Variants in LURAP1 observed in about 807,000 individuals in gnomAD.
LURAP1 encodes NF-kappa-B activator C1orf190.
In LURAP1, 14 loss-of-function variants were observed where a neutral mutation model predicts 19.0. That is an observed-to-expected ratio of 0.74 (90% CI 0.49 to 1.15). The LOEUF (loss-of-function observed/expected upper bound fraction) is 1.15, where lower values mean the gene tolerates loss of function less well. Among genes scored for constraint, LURAP1 ranks in the 50% most tolerant of loss-of-function variants. The pLI, the probability that LURAP1 is intolerant of heterozygous loss-of-function variation, is 0.00. For missense variants in LURAP1, 273 were observed against 309.1 expected (o/e 0.88, Z 0.87); for synonymous variants, 129 against 131.8 (o/e 0.98, Z 0.14).
chr1:46,212,630 A>G (rs1322989188), intron 1 of LURAP1, among the ~76,000 whole-genome samples: 2 of 141,544 alleles, frequency 1.4e-5, no homozygotes, highest in African/African-American at 2.7e-5. Context: ...AAGCTATAGT[A>G]CAGTGGCACC....
In LURAP1 at chr1:46,219,865, C is replaced by G. The variant is rs769390159; in HGVS notation, c.365C>G (p.Ser122Ter). The change falls in exon 2 of 2, where the codon TCA becomes TGA. Residue 122 changes from serine to a stop codon, truncating the protein, a stop_gained. Coordinates refer to ENST00000371980, the MANE Select transcript of LURAP1 (RefSeq NM_001013615.3). LOFTEE classifies it high-confidence loss of function. Reference protein sequence around the residue: ...YSLTGGSPGRSRRGSWDSLPD... With the variant: ...YSLTGGSPGR ...CTGACAGGCGGGAGCCCAGGCCGCTCAAGGCGAGGCAGCTGGGACAGCCTG... is the reference window on the plus strand; with the variant it reads ...CTGACAGGCGGGAGCCCAGGCCGCTGAAGGCGAGGCAGCTGGGACAGCCTG... 1 of 1,613,866 alleles carries G rather than the reference C, an allele frequency of 6.2e-7. No homozygotes were observed. Among genetic ancestry groups the G allele is most frequent in the Non-Finnish European group, 8.5e-7 (1 of 1,179,844 alleles).
chr1:46,214,528 G>A (rs1659003381), intron 1 of LURAP1, among the ~76,000 whole-genome samples: 1 of 152,070 alleles, frequency 6.6e-6, no homozygotes, highest in Non-Finnish European at 1.5e-5. Context: ...AACAGCACTT[G>A]GAAATAAACA....
chr1:46,211,935 T>C (rs964428457), intron 1 of LURAP1, among the ~76,000 whole-genome samples: 5 of 152,120 alleles, frequency 3.3e-5, no homozygotes, highest in African/African-American at 9.7e-5. Context: ...CCAATTTTTG[T>C]ATTTTTATTA....
chr1:46,214,561 AAG>A (rs1340133546), intron 1 of LURAP1, among the ~76,000 whole-genome samples: 1 of 152,090 alleles, frequency 6.6e-6, no homozygotes, highest in Non-Finnish European at 1.5e-5. Flanking sequence ...GAAAAGAAAA[AAG>A]AAAAACCAAA....
At chr1:46,209,538 TTTTTTTTTTTC>T (rs1468885433) in intron 1 of LURAP1, among the ~76,000 whole-genome samples, 1 of 81,336 alleles carries the variant, frequency 1.2e-5, no homozygotes, top group Non-Finnish European at 3.1e-5. Context: ...TGTTGTTTTC[TTTTTTTTTTTC>T]TTTTTTTTTT....
chr1:46,220,361 T>C lies in LURAP1; in HGVS notation c.*141T>C. The C allele has an allele frequency of 1.2e-6, 1 of 864,192 alleles. No homozygotes were observed. The highest frequency in any genetic ancestry group is 1.8e-6 in the Non-Finnish European group (1 of 569,308). The allele number at this position is 864,192 out of a possible 1,614,324, so 53.5% of individuals were successfully genotyped here. A position where few individuals can be genotyped will look rare whatever the true frequency, so the allele number is the denominator to read the frequency against. On this transcript the variant is annotated 3_prime_UTR_variant, in exon 2 of 2. Transcript: ENST00000371980. ...CCATGGAAACCTGGCTCATCATTTC[T>C]CTAGTCCCTAGGGAGTCTCTGCCTT...
At chr1:46,214,005 A>G (rs1281016471) in intron 1 of LURAP1, among the ~76,000 whole-genome samples, 1 of 152,090 alleles carries the variant, frequency 6.6e-6, no homozygotes, top group African/African-American at 2.4e-5. Flanking sequence ...GCAGCAGTTA[A>G]AGATGATAGA....
At chr1:46,206,406 T>C (rs1658718537) in intron 1 of LURAP1, among the ~76,000 whole-genome samples, 1 of 152,090 alleles carries the variant, frequency 6.6e-6, no homozygotes, top group Admixed American at 6.6e-5. Context: ...CTGATTTATA[T>C]TGAGCAATGA....
intron 1 of LURAP1, among the ~76,000 whole-genome samples, chr1:46,209,214 G>A (rs1658816347): frequency 6.6e-6 from 1 of 152,080 alleles, no homozygotes; most frequent in Non-Finnish European, 1.5e-5. Flanking sequence ...CGTAGAGATG[G>A]GGTTGCTCCA....
At chr1:46,205,294 G>A (rs1658676300) in intron 1 of LURAP1, among the ~76,000 whole-genome samples, 1 of 151,878 alleles carries the variant, frequency 6.6e-6, no homozygotes, top group Admixed American at 6.6e-5. Flanking sequence ...GGGGAGGAAG[G>A]GAGGAAGGGA....
intron 1 of LURAP1, among the ~76,000 whole-genome samples, chr1:46,215,842 A>G (rs1439846530): frequency 6.6e-6 from 1 of 152,024 alleles, no homozygotes; most frequent in African/African-American, 2.4e-5. Context: ...GGCTGTAGTC[A>G]ACCATGATTG....
chr1:46,209,068 A>G (rs2148241127), intron 1 of LURAP1, among the ~76,000 whole-genome samples: 1 of 152,212 alleles, frequency 6.6e-6, no homozygotes, highest in South Asian at 2.1e-4. Context: ...CTTGTTGCCC[A>G]GGCTGGAGTG....
chr1:46,219,837 A>G lies in LURAP1; in HGVS notation c.337A>G (p.Ser113Gly). ...HCSSLTSSQY[S>G]LTGGSPGRSR... ...CAGCAGCCTCACCAGCAGTCAATATAGCCTGACAGGCGGGAGCCCAGGCCG... is the reference window on the plus strand; with the variant it reads ...CAGCAGCCTCACCAGCAGTCAATATGGCCTGACAGGCGGGAGCCCAGGCCG... The change falls in exon 2 of 2, where the codon AGC becomes GGC. Residue 113 changes from serine to glycine, a missense_variant. Physicochemically the swap from Ser to Gly is moderately conservative, Grantham distance 56 (BLOSUM62 0). Coordinates refer to ENST00000371980, the MANE Select transcript of LURAP1 (RefSeq NM_001013615.3). The G allele has an allele frequency of 1.9e-6, 3 of 1,614,220 alleles. No individual in the cohort carries two copies. Among genetic ancestry groups the G allele is most frequent in the Non-Finnish European group, 2.5e-6 (3 of 1,180,038 alleles).
chr1:46,207,928 C>T (rs1209226403), intron 1 of LURAP1, among the ~76,000 whole-genome samples: 3 of 149,862 alleles, frequency 2.0e-5, no homozygotes, highest in Non-Finnish European at 4.4e-5. Context: ...AGTGCAATGG[C>T]GTGATCTCGG....
intron 1 of LURAP1, among the ~76,000 whole-genome samples, chr1:46,210,941 A>AT (rs34921411): frequency 0.22 from 29,532 of 134,414 alleles, 3,230 homozygotes; most frequent in Admixed American, 0.26. Flanking sequence ...CACTCACCTA[A>AT]TTTTTTTTTT....
intron 1 of LURAP1, among the ~76,000 whole-genome samples, chr1:46,213,692 C>T (rs1463863274): frequency 6.6e-6 from 1 of 152,066 alleles, no homozygotes; most frequent in Non-Finnish European, 1.5e-5. Flanking sequence ...TGCACTCCAG[C>T]CTGGACAACG....
chr1:46,207,269 C>T (rs142886272), intron 1 of LURAP1, among the ~76,000 whole-genome samples: 181 of 152,030 alleles, frequency 1.2e-3, no homozygotes, highest in African/African-American at 4.0e-3. Context: ...TTAGTAGAGA[C>T]GGGATTTTGC....
intron 1 of LURAP1, among the ~76,000 whole-genome samples, chr1:46,212,913 C>T (rs1028309406): frequency 6.6e-6 from 1 of 151,834 alleles, no homozygotes; most frequent in African/African-American, 2.4e-5. Context: ...GTGTCCACCA[C>T]CACACCTGGC....
chr1:46,206,166 A>C (rs1056753052), intron 1 of LURAP1, among the ~76,000 whole-genome samples: 2 of 152,230 alleles, frequency 1.3e-5, no homozygotes, highest in African/African-American at 4.8e-5. Flanking sequence ...GCTTTAGGCA[A>C]GGAAGAATGC....
Sources: allele counts gnomAD v4.1 joint callset (sites outside exome capture counted in the v4.1 genomes callset), GRCh38; gene constraint gnomAD v4.1.1; transcripts MANE v1.5; gene names NCBI Gene and HGNC (gene_info 2026-07-23, HGNC 2026-07-21).